Variants in DISC1 observed in about 807,000 individuals in gnomAD.
The protein encoded by DISC1 is DISC1 scaffold protein.
DISC1 carries 57 observed loss-of-function variants against 84.5 expected under a neutral mutation model. That is an observed-to-expected ratio of 0.67 (90% CI 0.55 to 0.84). The LOEUF (loss-of-function observed/expected upper bound fraction) is 0.84, where lower values mean the gene tolerates loss of function less well. DISC1 is among the 40% of genes least tolerant of loss of function. DISC1 has a pLI of 0.00. For missense variants in DISC1, 1,000 were observed against 1,057.8 expected, an observed-to-expected ratio of 0.95 and a Z score of 0.76; for synonymous variants, 411 against 415.2, an observed-to-expected ratio of 0.99 and a Z score of 0.12.
chr1:231,813,052 G>C (rs1330136883), intron 8 of DISC1, among the ~76,000 whole-genome samples: 1 of 152,136 alleles, frequency 6.6e-6, no homozygotes, highest in African/African-American at 2.4e-5. Flanking sequence ...AAAGGGCCTA[G>C]GCTTTAATTA....
chr1:232,012,090 T>C (rs533664682), intron 11 of DISC1, among the ~76,000 whole-genome samples: 33 of 152,362 alleles, frequency 2.2e-4, no homozygotes, highest in African/African-American at 6.3e-4. Context: ...TGTTAACTTT[T>C]GTTTCTATCA....
At chr1:231,790,676 G>A (rs1048116394) in intron 6 of DISC1, among the ~76,000 whole-genome samples, 38 of 151,912 alleles carry the variant, frequency 2.5e-4, no homozygotes, top group African/African-American at 8.4e-4. Flanking sequence ...CTGCCACCAC[G>A]CTCGGCTAAT....
intron 6 of DISC1, among the ~76,000 whole-genome samples, chr1:231,785,747 G>T (rs2077801377): frequency 2.0e-5 from 3 of 152,208 alleles, no homozygotes; most frequent in South Asian, 4.1e-4. Flanking sequence ...GATAGGGAAT[G>T]TAGGGAGAGG....
At chr1:231,796,479 AG>A (rs1388793467) in intron 7 of DISC1, among the ~76,000 whole-genome samples, 2 of 152,082 alleles carry the variant, frequency 1.3e-5, no homozygotes, top group Non-Finnish European at 2.9e-5. Context: ...AAACACGCCA[AG>A]GGATCACCGC....
intron 9 of DISC1, among the ~76,000 whole-genome samples, chr1:231,869,728 G>A (rs955794956): frequency 2.0e-5 from 3 of 152,080 alleles, no homozygotes; most frequent in Non-Finnish European, 4.4e-5. Context: ...CTCAAACACT[G>A]CCCATTGGGC....
chr1:231,845,774 G>A (rs2125880787), intron 9 of DISC1, among the ~76,000 whole-genome samples: 1 of 152,244 alleles, frequency 6.6e-6, no homozygotes, highest in Admixed American at 6.5e-5. Context: ...GGCTGGATGT[G>A]GTCGTGGAAC....
At chr1:231,834,210 A>G (rs888286217) in intron 9 of DISC1, among the ~76,000 whole-genome samples, 6 of 152,088 alleles carry the variant, frequency 3.9e-5, no homozygotes, top group Non-Finnish European at 8.8e-5. Context: ...GGGTGTAAGG[A>G]GGAGAGGTGA....
chr1:231,770,896 G>C lies in DISC1; in HGVS notation c.1460G>C (p.Arg487Thr). ...CTGGAAGCCAAAGATCAACAGCTGA[G>C]AAGGGAAATAGAGGAGCAAGAGCAG... ...FVLEAKDQQL[R>T]REIEEQEQQL... The change falls in exon 6 of 13, where the codon AGA becomes ACA. Residue 487 changes from arginine to threonine, a missense_variant. By Grantham distance (71) the Arg-to-Thr change is moderately conservative (BLOSUM62 -1). Around this residue, in one of 3 missense-constraint regions of DISC1, gnomAD observed 311 missense variants for 400.1 expected, o/e 0.78. Transcript: ENST00000439617. 4 of 1,614,198 alleles carry C rather than the reference G, an allele frequency of 2.5e-6. No individual in the cohort carries two copies. Among genetic ancestry groups the C allele is most frequent in the Non-Finnish European group, 3.4e-6 (4 of 1,180,028 alleles).
At chr1:231,720,726 TGGGGC>T in intron 3 of DISC1, 4 of 719,666 alleles carry the variant, frequency 5.6e-6, no homozygotes, top group Admixed American at 5.3e-5. Context: ...TTTTTTCCCT[TGGGGC>T]TTTCTGCATG....
At chr1:231,746,377 A>G (rs1443911189) in intron 3 of DISC1, among the ~76,000 whole-genome samples, 1 of 152,172 alleles carries the variant, frequency 6.6e-6, no homozygotes, top group Non-Finnish European at 1.5e-5. Flanking sequence ...TTGATTCCAT[A>G]TCTTGACTAA....
chr1:231,910,667 G>T (rs1244162543), intron 9 of DISC1, among the ~76,000 whole-genome samples: 1 of 152,180 alleles, frequency 6.6e-6, no homozygotes, highest in Non-Finnish European at 1.5e-5. Flanking sequence ...TTGGGGTGGA[G>T]AGTTCTGTAG....
intron 4 of DISC1, among the ~76,000 whole-genome samples, chr1:231,756,488 A>G (rs1447081970): frequency 6.6e-6 from 1 of 151,846 alleles, no homozygotes; most frequent in African/African-American, 2.4e-5. Context: ...GTAGCTATAT[A>G]TAGGTTCACA....
At chr1:231,986,516 A>G (rs1204502401) in intron 10 of DISC1, among the ~76,000 whole-genome samples, 1 of 152,230 alleles carries the variant, frequency 6.6e-6, no homozygotes, top group Admixed American at 6.5e-5. Context: ...AATGAGCCGT[A>G]ACATCCCTTT....
chr1:232,017,825 A>G (rs1226754401), intron 11 of DISC1, among the ~76,000 whole-genome samples: 1 of 152,188 alleles, frequency 6.6e-6, no homozygotes, highest in East Asian at 1.9e-4. Context: ...TTAGAATCCT[A>G]GCAGTACTTG....
intron 9 of DISC1, among the ~76,000 whole-genome samples, chr1:231,833,082 A>G (rs1292575182): frequency 2.7e-5 from 4 of 149,166 alleles, no homozygotes; most frequent in African/African-American, 7.6e-5. Flanking sequence ...AGGAGGACGC[A>G]AAGGAGGCTT....
chr1:231,752,672 C>T (rs1465246932), intron 4 of DISC1, among the ~76,000 whole-genome samples: 1 of 152,158 alleles, frequency 6.6e-6, no homozygotes, highest in East Asian at 1.9e-4. Context: ...CCCAATAGTC[C>T]CCCAAAGACT....
At chr1:232,007,518 C>G (rs556249130) in intron 10 of DISC1, among the ~76,000 whole-genome samples, 1 of 152,190 alleles carries the variant, frequency 6.6e-6, no homozygotes, top group East Asian at 1.9e-4. Flanking sequence ...GGCCTGTAGC[C>G]CCTTTGTTTT....
Position 232,009,138 on chromosome 1 carries a change from G to A in DISC1, c.2307+89G>A. On this transcript the variant is annotated intron_variant, in intron 11 of 12. Coordinates refer to ENST00000439617, the MANE Select transcript of DISC1 (RefSeq NM_018662.3). The surrounding 1 kb of genome is among the most constrained non-coding windows in gnomAD (Gnocchi z 4.6). ...CTCCAAATGGGAACAATAAATATTG[G>A]GAAGGCTTCCCATTGAGCATATAAA... is the stretch of plus-strand genomic sequence containing the variant. 1 of 1,583,258 alleles carries A rather than the reference G, an allele frequency of 6.3e-7. No individual in the cohort carries two copies. The highest frequency in any genetic ancestry group is 1.3e-5 in the African/African-American group (1 of 74,434).
rs1163895904 is a variant in DISC1, at chr1:232,031,274, GAAAA to G, written c.2425+4724_2425+4727del. On this transcript the variant is annotated intron_variant, in intron 12 of 12. Transcript: ENST00000439617. The surrounding 1 kb of genome is among the most constrained non-coding windows in gnomAD (Gnocchi z 4.6). ...GGAAGGAGAAAGAAAGATAAAGAAA[GAAAA>G]AGAAAGAAAAGAGGAAGGAAGGAAG... 5.0e-4 allele frequency among the ~76,000 whole-genome samples: 70 copies of G among 140,702 alleles called. No individual in the cohort carries two copies. Among genetic ancestry groups the G allele is most frequent in the African/African-American group, 1.7e-3 (63 of 38,090 alleles). 92.3% of individuals were successfully genotyped at this position (140,702 alleles called of 152,430 possible). A position where few individuals can be genotyped will look rare whatever the true frequency, so the allele number is the denominator to read the frequency against.
Sources: allele counts gnomAD v4.1 joint callset (sites outside exome capture counted in the v4.1 genomes callset), GRCh38; gene constraint gnomAD v4.1.1; regional missense constraint gnomAD v4.1.1; non-coding constraint Gnocchi (gnomAD v3.1); transcripts MANE v1.5; gene names NCBI Gene and HGNC (gene_info 2026-07-23, HGNC 2026-07-21).